The following SYNGR2 variants were observed in gnomAD, a reference collection of about 807,000 sequenced individuals.
SYNGR2 encodes the protein synaptogyrin 2.
In SYNGR2, 11 loss-of-function variants were observed where a neutral mutation model predicts 18.7. That is an observed-to-expected ratio of 0.59 (90% CI 0.37 to 0.97). The LOEUF is 0.97. SYNGR2 is among the 50% of genes least tolerant of loss of function. The pLI is 0.01. For missense variants in SYNGR2, 253 were observed against 300.7 expected (o/e 0.84, Z 1.17); for synonymous variants, 127 against 131.0 (o/e 0.97, Z 0.21).
Position 78,171,410 on chromosome 17 carries a change from C to T in SYNGR2, c.338-100C>T. 4 of 1,413,322 alleles carry T rather than the reference C, an allele frequency of 2.8e-6. No individual in the cohort carries two copies. The highest frequency in any genetic ancestry group is 4.8e-5 in the Admixed American group (2 of 42,090). The allele number at this position is 1,413,322 out of a possible 1,614,324, so 87.5% of individuals were successfully genotyped here. The stretch of plus-strand genomic sequence containing the variant: ...TCCTCCCCTCCATAGTGTGGAGGCT[C>T]CCCCGGGAGGTCCCTGCCCTACCTG... On this transcript the variant is annotated intron_variant, in intron 2 of 3. Transcript: ENST00000225777. The surrounding 1 kb of genome is among the most constrained non-coding windows in gnomAD (Gnocchi z 6.6).
In SYNGR2 at chr17:78,172,083, C is replaced by CG; in HGVS notation, c.*152dup. 3 of 1,469,058 alleles carry CG rather than the reference C, an allele frequency of 2.0e-6. No homozygotes were observed. Among genetic ancestry groups the CG allele is most frequent in the South Asian group, 1.3e-5 (1 of 74,690 alleles). 91.0% of individuals were successfully genotyped at this position (1,469,058 alleles called of 1,614,324 possible). On this transcript the variant is annotated 3_prime_UTR_variant, in exon 4 of 4. Coordinates refer to ENST00000225777, the MANE Select transcript of SYNGR2 (RefSeq NM_004710.7). Reference sequence around the variant, plus strand: ...ACAGCTAAGGAGCCTCATAGCCTGGCGGGGGCTGGCAGAGCCACACCCCAA... The same window carrying CG: ...ACAGCTAAGGAGCCTCATAGCCTGGCGGGGGGCTGGCAGAGCCACACCCCAA...
rs745493995 is a variant in SYNGR2 at position 78,171,722 on chromosome 17, C to T, written c.478-17C>T. ...GGGTCCCCCACCCACCTGTACCCTG[C>T]TGTGCTCCCCCTGCAGGGTGTGCTG... is the stretch of plus-strand genomic sequence containing the variant. On this transcript the variant is annotated splice_polypyrimidine_tract_variant and intron_variant, in intron 3 of 3. Coordinates refer to ENST00000225777, the MANE Select transcript of SYNGR2 (RefSeq NM_004710.7). The surrounding 1 kb of genome is among the most constrained non-coding windows in gnomAD (Gnocchi z 6.6). The T allele has an allele frequency of 1.8e-5, 29 of 1,613,990 alleles. No homozygotes were observed. In the South Asian group the frequency reaches 3.2e-4, roughly 18 times the overall value.
rs2075636084 is a variant in SYNGR2 at position 78,168,671 on chromosome 17, C to T, written c.55C>T (p.Arg19Cys). Residue 19 changes from arginine to cysteine, a missense_variant, in exon 1 of 4, where the codon CGC (arginine) becomes TGC (cysteine). Arg to Cys is a radical substitution (Grantham distance 180). Coordinates refer to ENST00000225777, the MANE Select transcript of SYNGR2 (RefSeq NM_004710.7). ...AKAGGSFDLR[R>C]FLTQPQVVAR... ...GGCGGGCGGCTCCTTCGACCTGCGG[C>T]GCTTCCTGACGCAGCCGCAGGTGGT... The T allele has an allele frequency of 8.3e-7, 1 of 1,204,298 alleles. No individual in the cohort carries two copies. Among genetic ancestry groups the T allele is most frequent in the Non-Finnish European group, 1.0e-6 (1 of 970,114 alleles). 74.6% of individuals were successfully genotyped at this position (1,204,298 alleles called of 1,614,324 possible). A position where few individuals can be genotyped will look rare whatever the true frequency, so the allele number is the denominator to read the frequency against.
At position 78,168,601 on chromosome 17, in the gene SYNGR2, C is replaced by T. The variant is rs1430687558; in HGVS notation, c.-16C>T. 1 of 1,187,840 alleles carries T rather than the reference C, an allele frequency of 8.4e-7. No homozygotes were observed. Among genetic ancestry groups the T allele is most frequent in the Non-Finnish European group, 1.0e-6 (1 of 956,442 alleles). 73.6% of individuals were successfully genotyped at this position (1,187,840 alleles called of 1,614,324 possible). A position where few individuals can be genotyped will look rare whatever the true frequency, so the allele number is the denominator to read the frequency against. On this transcript the variant is annotated 5_prime_UTR_variant, in exon 1 of 4. Transcript: ENST00000225777. ...CCTCTGCGTTCCGCGGCGGCGGCAG[C>T]GGCGGCGACGGCGACATGGAGAGCG...
chr17:78,172,102 A>C lies in SYNGR2; in HGVS notation c.*166A>C. 1.4e-6 allele frequency: 2 copies of C among 1,440,752 alleles called. No homozygotes were observed. The highest frequency in any genetic ancestry group is 1.8e-6 in the Non-Finnish European group (2 of 1,093,646). 89.2% of individuals were successfully genotyped at this position (1,440,752 alleles called of 1,614,324 possible). ...GCCTGGCGGGGGCTGGCAGAGCCAC[A>C]CCCCAAGTGCCTGTGCCCAGAGGGC... On this transcript the variant is annotated 3_prime_UTR_variant, in exon 4 of 4. Transcript: ENST00000225777.
chr17:78,171,236 G>A lies in SYNGR2; in HGVS notation c.337+182G>A. On this transcript the variant is annotated intron_variant, in intron 2 of 3. Transcript: ENST00000225777. The surrounding 1 kb of genome is among the most constrained non-coding windows in gnomAD (Gnocchi z 6.6). ...TTGAATGGCACCAGCCCTGCCTGGG[G>A]TAGCTAGAAGCTGAGTGGACCTGCA... 1 of 691,288 alleles carries A rather than the reference G, an allele frequency of 1.4e-6. No individual in the cohort carries two copies. Among genetic ancestry groups the A allele is most frequent in the Non-Finnish European group, 2.4e-6 (1 of 417,760 alleles). The allele number at this position is 691,288 out of a possible 1,614,324, so 42.8% of individuals were successfully genotyped here. A position where few individuals can be genotyped will look rare whatever the true frequency, so the allele number is the denominator to read the frequency against.
Position 78,171,939 on chromosome 17 carries a change from G to T in SYNGR2, c.*3G>T. On this transcript the variant is annotated 3_prime_UTR_variant, in exon 4 of 4. Transcript: ENST00000225777. The surrounding 1 kb of genome is among the most constrained non-coding windows in gnomAD (Gnocchi z 6.6). Reference sequence around the variant, plus strand: ...ACCAGCCGCCCCCTGTGTACTGAGCGGCGGTTAGCGTGGGAAGGGGGACAG... The same window carrying T: ...ACCAGCCGCCCCCTGTGTACTGAGCTGCGGTTAGCGTGGGAAGGGGGACAG... 1 of 1,612,608 alleles carries T rather than the reference G, an allele frequency of 6.2e-7. No homozygotes were observed. The highest frequency in any genetic ancestry group is 8.5e-7 in the Non-Finnish European group (1 of 1,179,984).
chr17:78,171,164 T>C lies in SYNGR2; in HGVS notation c.337+110T>C. ...GGAGGGGCAGGGAGCAGCTCACTCC[T>C]CCAGGGCATTTTTAGGAAAGGGTTT... On this transcript the variant is annotated intron_variant, in intron 2 of 3. Transcript: ENST00000225777. The surrounding 1 kb of genome is among the most constrained non-coding windows in gnomAD (Gnocchi z 6.6). The C allele has an allele frequency of 1.9e-6, 2 of 1,069,032 alleles. No individual in the cohort carries two copies. Among genetic ancestry groups the C allele is most frequent in the Non-Finnish European group, 2.7e-6 (2 of 730,520 alleles). 66.2% of individuals were successfully genotyped at this position (1,069,032 alleles called of 1,614,324 possible).
rs1299706473 is a variant in SYNGR2, at chr17:78,171,090, G to A, written c.337+36G>A. ...GTGGCACCTCCATTTGATCTTGGGG[G>A]AGGCATTAACTCTAGGGTTCCGCAG... On this transcript the variant is annotated intron_variant, in intron 2 of 3. Transcript: ENST00000225777. The surrounding 1 kb of genome is among the most constrained non-coding windows in gnomAD (Gnocchi z 6.6). The A allele has an allele frequency of 3.8e-6, 6 of 1,599,624 alleles. No individual in the cohort carries two copies. The African/African-American group carries it at 6.7e-5, about 18-fold the overall frequency.
At chr17:78,170,702 CCAAAAGGGGACAGCAGTAGTG>C in intron 1 of SYNGR2, 94 bp from the exon 2 acceptor site, 4 of 900,290 alleles carry the variant, frequency 4.4e-6, no homozygotes, top group Non-Finnish European at 6.9e-6. Context: ...CAACAAAAAC[CCAAAAGGGGACAGCAGTAGTG>C]GGAGAGGCCA....
chr17:78,168,582 C>T lies in SYNGR2; in HGVS notation c.-35C>T, dbSNP rs2075634673. ...GCGGGGCGCCGGGCAGGTTCCTCTGCGTTCCGCGGCGGCGGCAGCGGCGGC... is the reference window on the plus strand; with the variant it reads ...GCGGGGCGCCGGGCAGGTTCCTCTGTGTTCCGCGGCGGCGGCAGCGGCGGC... On this transcript the variant is annotated 5_prime_UTR_variant, in exon 1 of 4. Coordinates refer to ENST00000225777, the MANE Select transcript of SYNGR2 (RefSeq NM_004710.7). 4 of 1,163,682 alleles carry T rather than the reference C, an allele frequency of 3.4e-6. No homozygotes were observed. The highest frequency in any genetic ancestry group is 4.3e-6 in the Non-Finnish European group (4 of 935,462). The allele number at this position is 1,163,682 out of a possible 1,614,324, so 72.1% of individuals were successfully genotyped here. A position where few individuals can be genotyped will look rare whatever the true frequency, so the allele number is the denominator to read the frequency against.
At chr17:78,168,798 C>G in intron 1 of SYNGR2, 83 bp downstream of exon 1, 1 of 1,123,790 alleles carries the variant, frequency 8.9e-7, no homozygotes. Context: ...AGCCCACGAG[C>G]GCGACAGGTG....
Position 78,171,065 on chromosome 17 carries a change from G to A in SYNGR2, c.337+11G>A. The A allele has an allele frequency of 6.2e-7, 1 of 1,610,908 alleles. No individual in the cohort carries two copies. Among genetic ancestry groups the A allele is most frequent in the Non-Finnish European group, 8.5e-7 (1 of 1,178,336 alleles). ...ACCTGCTCTTCTCAGGTATCTGCCT[G>A]TGGCACCTCCATTTGATCTTGGGGG... is the stretch of plus-strand genomic sequence containing the variant. On this transcript the variant is annotated intron_variant, in intron 2 of 3. Transcript: ENST00000225777. This position sits in a 1 kb window ranked among gnomAD's most constrained non-coding sequence, Gnocchi z 6.6.
At position 78,171,389 on chromosome 17, in the gene SYNGR2, C is replaced by T; in HGVS notation, c.338-121C>T. ...GCTCCCGGCCCGGCTTCCAAGTCCT[C>T]CCCTCCATAGTGTGGAGGCTCCCCC... On this transcript the variant is annotated intron_variant, in intron 2 of 3. Transcript: ENST00000225777. The surrounding 1 kb of genome is among the most constrained non-coding windows in gnomAD (Gnocchi z 6.6). The T allele has an allele frequency of 1.6e-6, 2 of 1,277,088 alleles. No homozygotes were observed. Among genetic ancestry groups the T allele is most frequent in the Non-Finnish European group, 2.1e-6 (2 of 935,392 alleles). 79.1% of individuals were successfully genotyped at this position (1,277,088 alleles called of 1,614,324 possible). A position where few individuals can be genotyped will look rare whatever the true frequency, so the allele number is the denominator to read the frequency against.
chr17:78,168,595 C>A lies in SYNGR2; in HGVS notation c.-22C>A. ...CAGGTTCCTCTGCGTTCCGCGGCGG[C>A]GGCAGCGGCGGCGACGGCGACATGG... On this transcript the variant is annotated 5_prime_UTR_variant, in exon 1 of 4. Transcript: ENST00000225777. 8.5e-7 allele frequency: 1 copy of A among 1,181,122 alleles called. No individual in the cohort carries two copies. Among genetic ancestry groups the A allele is most frequent in the Non-Finnish European group, 1.1e-6 (1 of 950,842 alleles). 73.2% of individuals were successfully genotyped at this position (1,181,122 alleles called of 1,614,324 possible).
In SYNGR2 at chr17:78,170,581, GGGAGGCTGAGGCAGAATTGCTTGAACCCA is replaced by G. The variant is rs767194327; in HGVS notation, c.100-229_100-201del. The G allele has an allele frequency of 3.4e-5, 19 of 566,052 alleles. No individual in the cohort carries two copies. In the South Asian group the frequency reaches 3.6e-4, roughly 11 times the overall value. 35.1% of individuals were successfully genotyped at this position (566,052 alleles called of 1,614,324 possible). On this transcript the variant is annotated intron_variant, in intron 1 of 3. Transcript: ENST00000225777. Reference sequence around the variant, plus strand: ...AGGGCACCTGTAATCCCAGCTACTAGGGAGGCTGAGGCAGAATTGCTTGAACCCAGGAGGCAGAGGATGCAGTGAGCCGA... The same window carrying G: ...AGGGCACCTGTAATCCCAGCTACTAGGGAGGCAGAGGATGCAGTGAGCCGA...
chr17:78,171,495 C>G lies in SYNGR2; in HGVS notation c.338-15C>G. 1 of 1,515,124 alleles carries G rather than the reference C, an allele frequency of 6.6e-7. No homozygotes were observed. 93.9% of individuals were successfully genotyped at this position (1,515,124 alleles called of 1,614,324 possible). A position where few individuals can be genotyped will look rare whatever the true frequency, so the allele number is the denominator to read the frequency against. ...CCCTTTCCATGGAACTGACGCTTCA[C>G]CCGTCCTCCCCCAGCTCTCTGGACC... is the stretch of plus-strand genomic sequence containing the variant. On this transcript the variant is annotated splice_polypyrimidine_tract_variant and intron_variant, in intron 2 of 3. Transcript: ENST00000225777. The surrounding 1 kb of genome is among the most constrained non-coding windows in gnomAD (Gnocchi z 6.6).
rs1414258390 is a variant in SYNGR2, at chr17:78,168,665, C to G, written c.49C>G (p.Leu17Val). Residue 17 changes from leucine (L) to valine (V), a missense_variant, in exon 1 of 4, where the codon CTG (leucine) becomes GTG (valine). Transcript: ENST00000225777. ...GAAKAGGSFD[L>V]RRFLTQPQVV... ...GGCCAAGGCGGGCGGCTCCTTCGAC[C>G]TGCGGCGCTTCCTGACGCAGCCGCA... 1.7e-6 allele frequency: 2 copies of G among 1,204,858 alleles called. No homozygotes were observed. Among genetic ancestry groups the G allele is most frequent in the Non-Finnish European group, 2.1e-6 (2 of 970,626 alleles). The allele number at this position is 1,204,858 out of a possible 1,614,324, so 74.6% of individuals were successfully genotyped here.
In SYNGR2 at chr17:78,171,510, C is replaced by G; in HGVS notation, c.338C>G (p.Ala113Gly). 6 of 1,517,356 alleles carry G rather than the reference C, an allele frequency of 4.0e-6. No individual in the cohort carries two copies. Among genetic ancestry groups the G allele is most frequent in the Non-Finnish European group, 4.4e-6 (5 of 1,133,384 alleles). The allele number at this position is 1,517,356 out of a possible 1,614,324, so 94.0% of individuals were successfully genotyped here. ...YLVIGDLLFSALWTFLWFVGF... is the reference protein window; with the variant it reads ...YLVIGDLLFSGLWTFLWFVGF... ...TGACGCTTCACCCGTCCTCCCCCAG[C>G]TCTCTGGACCTTCCTGTGGTTTGTT... is the stretch of plus-strand genomic sequence containing the variant. Residue 113 changes from alanine to glycine, a missense_variant and splice_region_variant, in exon 3 of 4, where the codon GCT (alanine) becomes GGT (glycine). Transcript: ENST00000225777. The surrounding 1 kb of genome is among the most constrained non-coding windows in gnomAD (Gnocchi z 6.6).
Sources: allele counts gnomAD v4.1 joint callset, GRCh38; gene constraint gnomAD v4.1.1; non-coding constraint Gnocchi (gnomAD v3.1); transcripts MANE v1.5; gene names NCBI Gene and HGNC (gene_info 2026-07-23, HGNC 2026-07-21).